TNRC6A: variants seen among roughly 807,000 people sequenced by gnomAD.
TNRC6A encodes trinucleotide repeat-containing gene 6A protein.
A neutral mutation model predicts 221.2 loss-of-function variants in TNRC6A; 44 were observed. The ratio of observed to expected loss-of-function variants is 0.20; its 90% confidence interval spans 0.16 to 0.26. The LOEUF is 0.26. Ranked by LOEUF, TNRC6A falls within the 10% of genes least tolerant of loss-of-function variation. The pLI is 1.00. For synonymous variants in TNRC6A, 847 were observed against 838.5 expected (o/e 1.01, Z -0.18); for missense variants, 2,199 against 2,404.4 (o/e 0.91, Z 1.79).
At chr16:24,792,515 G>A (rs1035190667) in intron 6 of TNRC6A, among the ~76,000 whole-genome samples, 22 of 143,518 alleles carry the variant, frequency 1.5e-4, no homozygotes, top group Non-Finnish European at 3.0e-5. Context: ...TCTAAGTATA[G>A]TTTGTTGTAT....
In TNRC6A at chr16:24,790,113, C is replaced by T. The variant is rs186992326; in HGVS notation, c.1471C>T (p.Pro491Ser). 7 of 1,614,194 alleles carry T rather than the reference C, an allele frequency of 4.3e-6. No individual in the cohort carries two copies. In the East Asian group the frequency reaches 1.6e-4, roughly 36 times the overall value. Residue 491 changes from proline (P) to serine (S), a missense_variant, in exon 6 of 25, where the codon CCT (proline) becomes TCT (serine). Around this residue, in one of 8 missense-constraint regions of TNRC6A, gnomAD observed 1,405 missense variants for 1,400.2 expected, o/e 1.00. Coordinates refer to ENST00000395799, the MANE Select transcript of TNRC6A (RefSeq NM_014494.4). ...GAWRVSTMNH[P>S]QMQAPSGMNG... is the part of the protein sequence containing the mutation. Reference sequence around the variant, plus strand: ...CTGGCGTGTGAGCACAATGAATCATCCTCAGATGCAGGCTCCATCAGGTAT... The same window carrying T: ...CTGGCGTGTGAGCACAATGAATCATTCTCAGATGCAGGCTCCATCAGGTAT...
chr16:24,771,486 C>T (rs942865557), intron 4 of TNRC6A, among the ~76,000 whole-genome samples: 3 of 139,530 alleles, frequency 2.2e-5, no homozygotes, highest in Admixed American at 7.1e-5. Flanking sequence ...CATCCACACA[C>T]GCCCCCTGTA....
intron 2 of TNRC6A, among the ~76,000 whole-genome samples, chr16:24,643,106 A>AT (rs1293896221): frequency 1.0e-4 from 6 of 59,112 alleles, no homozygotes; most frequent in Admixed American, 2.2e-4. Flanking sequence ...ATATATATAT[A>AT]TAAAATATAT....
At chr16:24,634,394 C>T (rs1901516530) in intron 1 of TNRC6A, among the ~76,000 whole-genome samples, 2 of 152,124 alleles carry the variant, frequency 1.3e-5, no homozygotes, top group African/African-American at 2.4e-5. Context: ...CATGCCACTA[C>T]ACTCCAGCCT....
intron 2 of TNRC6A, among the ~76,000 whole-genome samples, chr16:24,675,726 A>ATATG: frequency 7.4e-6 from 1 of 135,750 alleles, no homozygotes; most frequent in African/African-American, 2.7e-5. Context: ...ATATATATAT[A>ATATG]TATATATATA....
In TNRC6A at chr16:24,627,295, C is replaced by T. The variant is rs137905242; in HGVS notation, n.277-13589C>T. On this transcript the variant is annotated intron_variant and non_coding_transcript_variant, in intron 1 of 2. Transcript: ENST00000566108. The stretch of plus-strand genomic sequence containing the variant: ...GTTTCGGAGGCCCTATTAAGAAAGG[C>T]TGTGCTTCACAATCCGGGTCAGCTT... Among the ~76,000 whole-genome samples, 77 of 152,168 alleles carry T rather than the reference C, an allele frequency of 5.1e-4. No individual in the cohort carries two copies. The East Asian group carries it at 8.3e-3, about 16-fold the overall frequency.
chr16:24,729,541 C>T (rs1478319084), upstream of TNRC6A, among the ~76,000 whole-genome samples: 1 of 151,856 alleles, frequency 6.6e-6, no homozygotes, highest in East Asian at 1.9e-4. Context: ...CGTGACACGC[C>T]GGGGCGGTTG....
chr16:24,796,620 G>A (rs989845507), intron 9 of TNRC6A, among the ~76,000 whole-genome samples: 2 of 152,188 alleles, frequency 1.3e-5, no homozygotes, highest in African/African-American at 4.8e-5. Context: ...AGGGATCAAA[G>A]CCAACTTCAG....
In TNRC6A at chr16:24,777,244, G is replaced by T; in HGVS notation, c.475G>T (p.Ala159Ser). 6.2e-7 allele frequency: 1 copy of T among 1,614,178 alleles called. No homozygotes were observed. Among genetic ancestry groups the T allele is most frequent in the Non-Finnish European group, 8.5e-7 (1 of 1,180,044 alleles). Residue 159 changes from alanine (A) to serine (S), a missense_variant, in exon 5 of 25, where the codon GCA becomes TCA. By Grantham distance (99) the Ala-to-Ser change is moderately conservative. Coordinates refer to ENST00000395799, the MANE Select transcript of TNRC6A (RefSeq NM_014494.4). ...GAGGGGTCAGCATTTTCCTGTTATA[G>T]CAGCAAACCTTGGATCTGCTGTTAA... ...LKRGQHFPVI[A>S]ANLGSAVKVL...
At chr16:24,734,721 G>T (rs1212052996) in intron 2 of TNRC6A, among the ~76,000 whole-genome samples, 1 of 152,026 alleles carries the variant, frequency 6.6e-6, no homozygotes, top group African/African-American at 2.4e-5. Flanking sequence ...ATATAATTTT[G>T]GTTTCTCCTT....
At chr16:24,642,732 A>G (rs1305001928) in intron 2 of TNRC6A, among the ~76,000 whole-genome samples, 1 of 152,048 alleles carries the variant, frequency 6.6e-6, no homozygotes, top group African/African-American at 2.4e-5. Flanking sequence ...AGGCAGGAGA[A>G]TCTCTTGAAC....
chr16:24,624,179 A>C (rs1372704708), intron 1 of TNRC6A, among the ~76,000 whole-genome samples: 1 of 152,142 alleles, frequency 6.6e-6, no homozygotes, highest in Non-Finnish European at 1.5e-5. Context: ...AGGCTCGCCC[A>C]CACGTTTCTT....
intron 2 of TNRC6A, among the ~76,000 whole-genome samples, chr16:24,743,984 G>T (rs975901916): frequency 6.6e-6 from 1 of 152,168 alleles, no homozygotes; most frequent in African/African-American, 2.4e-5. Flanking sequence ...TTCAATCGAA[G>T]ATCACAAGTA....
rs2056959110 is a variant in TNRC6A, at chr16:24,744,476, G to T, written c.54-6250G>T. Reference sequence around the variant, plus strand: ...AGTTGATATTTTACTGTAAGATTTGGTACTTCTCTCCATTCACTCACTCAA... The same window carrying T: ...AGTTGATATTTTACTGTAAGATTTGTTACTTCTCTCCATTCACTCACTCAA... On this transcript the variant is annotated intron_variant, in intron 2 of 24. Coordinates refer to ENST00000395799, the MANE Select transcript of TNRC6A (RefSeq NM_014494.4). Among the ~76,000 whole-genome samples, 3 of 152,116 alleles carry T rather than the reference G, an allele frequency of 2.0e-5. No homozygotes were observed. In the South Asian group the frequency reaches 6.2e-4, roughly 32 times the overall value.
intron 15 of TNRC6A, among the ~76,000 whole-genome samples, chr16:24,805,976 T>G (rs1308003076): frequency 2.0e-5 from 3 of 152,138 alleles, no homozygotes; most frequent in Non-Finnish European, 4.4e-5. Context: ...GTAGGATGAT[T>G]AGGAAAAGTT....
At chr16:24,719,349 T>C (rs2056370721) in intron 2 of TNRC6A, among the ~76,000 whole-genome samples, 1 of 151,976 alleles carries the variant, frequency 6.6e-6, no homozygotes, top group African/African-American at 2.4e-5. Context: ...CGTAGGGAGA[T>C]CCTATCTCTA....
chr16:24,636,975 C>A (rs896271402), intron 1 of TNRC6A, among the ~76,000 whole-genome samples: 1 of 152,048 alleles, frequency 6.6e-6, no homozygotes, highest in Non-Finnish European at 1.5e-5. Flanking sequence ...TACCTGGGGC[C>A]CCATCAGATT....
chr16:24,637,939 C>A (rs1901723595), intron 1 of TNRC6A, among the ~76,000 whole-genome samples: 1 of 152,068 alleles, frequency 6.6e-6, no homozygotes, highest in Admixed American at 6.6e-5. Context: ...CTCGCGCCAC[C>A]ACACCCAGCT....
chr16:24,702,486 T>A (rs990673971), intron 2 of TNRC6A, among the ~76,000 whole-genome samples: 9 of 152,138 alleles, frequency 5.9e-5, no homozygotes, highest in African/African-American at 2.2e-4. Context: ...CTCTATCAAA[T>A]CTTCAAACCT....
Sources: gnomAD v4.1 joint callset for allele counts (sites outside exome capture counted in the v4.1 genomes callset) on GRCh38, gnomAD v4.1.1 for gene constraint, gnomAD v4.1.1 regional missense constraint, MANE v1.5 for transcripts, NCBI Gene and HGNC (gene_info 2026-07-23, HGNC 2026-07-21) for gene names.